RFX7: variants seen among roughly 807,000 people sequenced by gnomAD.
The protein encoded by RFX7 is DNA-binding protein RFX7.
Under a neutral mutation model 111.8 loss-of-function variants are expected in RFX7, and 26 were observed. That is an observed-to-expected ratio of 0.23 (90% CI 0.17 to 0.32). The LOEUF (loss-of-function observed/expected upper bound fraction) is 0.32. Among genes scored for constraint, RFX7 ranks in the 10% least tolerant of loss-of-function variants. The probability of loss-of-function intolerance (pLI) is 1.00; values close to 1 mark genes in which losing one functional copy is unlikely to be tolerated. For synonymous variants in RFX7, 624 were observed against 624.4 expected, an observed-to-expected ratio of 1.00 and a Z score of 0.01; for missense variants, 1,573 against 1,772.9, an observed-to-expected ratio of 0.89 and a Z score of 2.02.
chr15:56,152,548 A>G (rs2042586112), intron 3 of RFX7, among the ~76,000 whole-genome samples: 1 of 152,228 alleles, frequency 6.6e-6, no homozygotes, highest in Admixed American at 6.5e-5. Flanking sequence ...GACACATTTA[A>G]AGCAGTGTTT....
At chr15:56,102,382 T>C in intron 6 of RFX7, 129 bp from the exon 7 acceptor site, 1 of 537,982 alleles carries the variant, frequency 1.9e-6, no homozygotes, top group South Asian at 3.4e-5. Flanking sequence ...TTCTGAATTC[T>C]TCAGTAAGAA....
intron 5 of RFX7, among the ~76,000 whole-genome samples, chr15:56,108,404 A>C (rs1351933367): frequency 2.0e-5 from 3 of 152,218 alleles, no homozygotes; most frequent in Admixed American, 1.3e-4. Flanking sequence ...ACATATGTAA[A>C]TCAATAAATG....
chr15:56,138,010 T>A (rs1201025981), intron 5 of RFX7, among the ~76,000 whole-genome samples: 2 of 150,560 alleles, frequency 1.3e-5, no homozygotes, highest in East Asian at 4.0e-4. Flanking sequence ...TCTTTTACAT[T>A]TGCTGAGGAG....
At chr15:56,241,244 G>A (rs1354447685) in intron 2 of RFX7, among the ~76,000 whole-genome samples, 1 of 152,038 alleles carries the variant, frequency 6.6e-6, no homozygotes, top group African/African-American at 2.4e-5. Flanking sequence ...TCATGTTAAA[G>A]TCAGAGCAGT....
At chr15:56,163,680 A>C (rs1364948363) in intron 3 of RFX7, among the ~76,000 whole-genome samples, 1 of 152,338 alleles carries the variant, frequency 6.6e-6, no homozygotes, top group African/African-American at 2.4e-5. Flanking sequence ...GTGAGAAGGC[A>C]ACATGTTTTA....
At chr15:56,131,522 G>A (rs867994024) in intron 5 of RFX7, among the ~76,000 whole-genome samples, 3 of 149,398 alleles carry the variant, frequency 2.0e-5, no homozygotes, top group Middle Eastern at 6.8e-3. Context: ...GCCTCCCAAA[G>A]TGTTGGGATT....
intron 3 of RFX7, among the ~76,000 whole-genome samples, chr15:56,154,288 C>T (rs2141060157): frequency 6.6e-6 from 1 of 152,120 alleles, no homozygotes; most frequent in East Asian, 1.9e-4. Flanking sequence ...CTACTTTAAA[C>T]TACATATGGA....
At chr15:56,237,407 A>G (rs1190664676) in intron 2 of RFX7, among the ~76,000 whole-genome samples, 1 of 152,194 alleles carries the variant, frequency 6.6e-6, no homozygotes, top group Non-Finnish European at 1.5e-5. Flanking sequence ...AGTACTTACA[A>G]ACTCTTCTTG....
At chr15:56,176,458 G>A (rs1210630860) in intron 3 of RFX7, among the ~76,000 whole-genome samples, 1 of 152,026 alleles carries the variant, frequency 6.6e-6, no homozygotes, top group East Asian at 1.9e-4. Context: ...GAAAACTTAC[G>A]TACAGGCAGA....
chr15:56,182,492 T>C (rs2042984862), intron 2 of RFX7, among the ~76,000 whole-genome samples: 2 of 152,188 alleles, frequency 1.3e-5, no homozygotes, highest in African/African-American at 2.4e-5. Flanking sequence ...ATTAATCCAA[T>C]ATGTAAACTT....
intron 8 of RFX7, among the ~76,000 whole-genome samples, chr15:56,100,173 G>A (rs1404664555): frequency 6.6e-6 from 1 of 152,198 alleles, no homozygotes; most frequent in Non-Finnish European, 1.5e-5. Context: ...CCATGGACAA[G>A]TTAATTGACC....
intron 2 of RFX7, among the ~76,000 whole-genome samples, chr15:56,205,882 A>G (rs567743301): frequency 1.3e-5 from 2 of 152,304 alleles, no homozygotes; most frequent in East Asian, 3.9e-4. Context: ...ATACCACCCC[A>G]CATCCATTAG....
intron 3 of RFX7, among the ~76,000 whole-genome samples, chr15:56,173,308 A>G (rs1293802671): frequency 6.6e-6 from 1 of 152,248 alleles, no homozygotes; most frequent in Admixed American, 6.5e-5. Flanking sequence ...CTGCTGAAAC[A>G]AACTTCAATA....
At chr15:56,225,421 T>G (rs974484046) in intron 2 of RFX7, among the ~76,000 whole-genome samples, 3 of 152,182 alleles carry the variant, frequency 2.0e-5, no homozygotes, top group Non-Finnish European at 4.4e-5. Context: ...TTGTTTATAC[T>G]GCACTGCCAG....
At chr15:56,215,896 A>G (rs1202399401) in intron 2 of RFX7, among the ~76,000 whole-genome samples, 3 of 152,108 alleles carry the variant, frequency 2.0e-5, no homozygotes, top group African/African-American at 7.2e-5. Flanking sequence ...ATCATTTCCA[A>G]GATGGATCAC....
rs367740137 is a variant in RFX7, at chr15:56,136,097, G to A, written c.401+6681C>T. 9.1e-4 allele frequency among the ~76,000 whole-genome samples: 139 copies of A among 152,132 alleles called. 4 individuals carry two copies. The South Asian group carries it at 0.025, about 27-fold the overall frequency. On this transcript the variant is annotated intron_variant, in intron 5 of 9. Coordinates refer to ENST00000559447, the MANE Select transcript of RFX7 (RefSeq NM_022841.7). ...TGGATTAGGATTGACTTGGCGATGC[G>A]GGCTCTTTTTTGGTTCCGTATGAAC...
Position 56,087,545 on chromosome 15 carries a change from T to A in RFX7, c.*5800A>T, listed in dbSNP as rs531955821. The A allele has an allele frequency of 2.2e-4, 102 of 456,686 alleles. No individual in the cohort carries two copies. The highest frequency in any genetic ancestry group is 2.0e-3 in the African/African-American group (98 of 50,208). 28.3% of individuals were successfully genotyped at this position (456,686 alleles called of 1,614,324 possible). On this transcript the variant is annotated 3_prime_UTR_variant, in exon 10 of 10. Transcript: ENST00000559447. ...GTAGCACCCAAACCTTTTGGTTACA[T>A]CTCTTTGAGTACTTGGTAAGTGTCT...
chr15:56,111,854 T>G (rs565333398), intron 5 of RFX7, among the ~76,000 whole-genome samples: 2 of 152,124 alleles, frequency 1.3e-5, no homozygotes, highest in Non-Finnish European at 2.9e-5. Flanking sequence ...CAGTGGCTCA[T>G]CCCTGTAGTC....
Position 56,098,302 on chromosome 15 carries a change from T to G in RFX7, c.886A>C (p.Thr296Pro). The G allele has an allele frequency of 6.2e-7, 1 of 1,613,780 alleles. No homozygotes were observed. The highest frequency in any genetic ancestry group is 8.5e-7 in the Non-Finnish European group (1 of 1,179,758). Reference sequence around the variant, plus strand: ...TTAGCATCAATTGGAGATGGCAAAGTCTTCACCTGAGGCTGAAAGGAATTA... The same window carrying G: ...TTAGCATCAATTGGAGATGGCAAAGGCTTCACCTGAGGCTGAAAGGAATTA... ...ESNSFQPQVK[T>P]LPSPIDAKQQ... is the part of the protein sequence containing the mutation. The change falls in exon 9 of 10, where the codon ACT (threonine) becomes CCT (proline). Residue 296 changes from threonine to proline, a missense_variant. Physicochemically the swap from Thr to Pro is conservative, Grantham distance 38 (BLOSUM62 -1). This residue lies in a region of RFX7 where 288 missense variants were observed against 337.9 expected (regional missense o/e 0.85). Coordinates refer to ENST00000559447, the MANE Select transcript of RFX7 (RefSeq NM_022841.7).
Sources: gnomAD v4.1 joint callset for allele counts (sites outside exome capture counted in the v4.1 genomes callset) on GRCh38, gnomAD v4.1.1 for gene constraint, gnomAD v4.1.1 regional missense constraint, MANE v1.5 for transcripts, NCBI Gene and HGNC (gene_info 2026-07-23, HGNC 2026-07-21) for gene names.